The following HMGCLL1 variants were observed in gnomAD, a reference collection of about 807,000 sequenced individuals.
The protein encoded by HMGCLL1 is 3-hydroxymethyl-3-methylglutaryl-CoA lyase, cytoplasmic.
Under a neutral mutation model 39.1 loss-of-function variants are expected in HMGCLL1, and 36 were observed. The observed-to-expected ratio is 0.92, with a 90% CI of 0.71 to 1.22. HMGCLL1 has a LOEUF of 1.22. Among genes scored for constraint, HMGCLL1 ranks in the 50% most tolerant of loss-of-function variants. The pLI is 0.00. For synonymous variants in HMGCLL1, 149 were observed against 144.0 expected (o/e 1.03, Z -0.25); for missense variants, 451 against 416.5 (o/e 1.08, Z -0.72).
the HMGCLL1 span, among the ~76,000 whole-genome samples, chr6:55,597,532 A>G: frequency 1.1e-4 from 17 of 151,548 alleles, no homozygotes; most frequent in Admixed American, 1.1e-3. Context: ...AAAAAGAAGG[A>G]AAAAAAAGAG....
At chr6:55,658,052 C>A in the HMGCLL1 span, among the ~76,000 whole-genome samples, 1 of 150,664 alleles carries the variant, frequency 6.6e-6, no homozygotes, top group East Asian at 2.0e-4. Flanking sequence ...ATACCTTGAA[C>A]TTAAATAAAA....
chr6:55,595,536 T>G, the HMGCLL1 span, among the ~76,000 whole-genome samples: 1 of 152,232 alleles, frequency 6.6e-6, no homozygotes, highest in Non-Finnish European at 1.5e-5. Flanking sequence ...TATAGAAATT[T>G]TATTCTACTA....
chr6:55,628,603 G>A, the HMGCLL1 span, among the ~76,000 whole-genome samples: 1 of 152,040 alleles, frequency 6.6e-6, no homozygotes, highest in Non-Finnish European at 1.5e-5. Context: ...CTCCTGGCCT[G>A]CAAGGTTTCC....
intron 1 of HMGCLL1, among the ~76,000 whole-genome samples, chr6:55,548,593 T>A (rs560501698): frequency 5.1e-4 from 77 of 152,194 alleles, no homozygotes; most frequent in African/African-American, 1.8e-3. Flanking sequence ...ATCTTTACCA[T>A]ATGTGTTCAC....
intron 7 of HMGCLL1, among the ~76,000 whole-genome samples, chr6:55,455,257 C>A (rs62407065): frequency 0.012 from 1,789 of 152,248 alleles, 11 homozygotes; most frequent in Non-Finnish European, 0.017. Flanking sequence ...TTGAGACCCA[C>A]CATTGATCAA....
intron 5 of HMGCLL1, among the ~76,000 whole-genome samples, chr6:55,508,888 A>G (rs1215249503): frequency 4.0e-5 from 6 of 151,852 alleles, no homozygotes; most frequent in Non-Finnish European, 5.9e-5. Context: ...AATCCAGCAA[A>G]AGAATATTTA....
At chr6:55,529,051 ATTTCCTAG>A in intron 3 of HMGCLL1, among the ~76,000 whole-genome samples, 1 of 152,246 alleles carries the variant, frequency 6.6e-6, no homozygotes, top group South Asian at 2.1e-4. Flanking sequence ...ATTCAATAGC[ATTTCCTAG>A]TTTCCTAAGA....
rs568933521 is a variant in HMGCLL1, at chr6:55,521,289, T to C, written c.298-4686A>G. Among the ~76,000 whole-genome samples, 114 of 152,106 alleles carry C rather than the reference T, an allele frequency of 7.5e-4. 1 individual carries two copies. The highest frequency in any genetic ancestry group is 2.9e-4 in the Non-Finnish European group (20 of 68,004). ...CATATGAGAATGCAGTGATAAACAA[T>C]GAAAGAGTTTCTCAAAAACTTCTGA... On this transcript the variant is annotated intron_variant, in intron 3 of 8. Coordinates refer to ENST00000274901, the MANE Select transcript of HMGCLL1 (RefSeq NM_001042406.2).
At chr6:55,506,715 A>T (rs1397095350) in intron 5 of HMGCLL1, among the ~76,000 whole-genome samples, 3 of 151,692 alleles carry the variant, frequency 2.0e-5, no homozygotes, top group Admixed American at 6.6e-5. Context: ...GTGTTTAAGT[A>T]ACACTTATTT....
chr6:55,523,735 T>G (rs985495550), intron 3 of HMGCLL1, among the ~76,000 whole-genome samples: 15 of 152,050 alleles, frequency 9.9e-5, no homozygotes, highest in African/African-American at 3.6e-4. Flanking sequence ...ATTCACCATG[T>G]TAATGTCCTA....
intron 3 of HMGCLL1, among the ~76,000 whole-genome samples, chr6:55,517,292 G>C (rs1216405507): frequency 6.6e-6 from 1 of 151,994 alleles, no homozygotes; most frequent in Non-Finnish European, 1.5e-5. Flanking sequence ...TTACCAGTTT[G>C]CCACAAAGTC....
At chr6:55,652,252 C>T in the HMGCLL1 span, among the ~76,000 whole-genome samples, 2 of 152,000 alleles carry the variant, frequency 1.3e-5, no homozygotes, top group Admixed American at 1.3e-4. Flanking sequence ...TTGTGACTTT[C>T]TTCCATCTAT....
chr6:55,503,599 C>A (rs770927574), intron 5 of HMGCLL1, among the ~76,000 whole-genome samples: 3 of 151,620 alleles, frequency 2.0e-5, no homozygotes, highest in Non-Finnish European at 4.4e-5. Context: ...TCTCGCTCAC[C>A]ATTATGCCCA....
the HMGCLL1 span, among the ~76,000 whole-genome samples, chr6:55,641,986 C>G: frequency 1.4e-5 from 2 of 140,444 alleles, no homozygotes; most frequent in African/African-American, 2.6e-5. Context: ...TATACATGTG[C>G]CATGCTGGTG....
the HMGCLL1 span, among the ~76,000 whole-genome samples, chr6:55,635,138 C>T: frequency 6.6e-6 from 1 of 151,794 alleles, no homozygotes; most frequent in Non-Finnish European, 1.5e-5. Flanking sequence ...TTCTCAAGAG[C>T]TCTGAGTAAC....
chr6:55,587,224 C>T, the HMGCLL1 span, among the ~76,000 whole-genome samples: 1 of 152,088 alleles, frequency 6.6e-6, no homozygotes, highest in Non-Finnish European at 1.5e-5. Flanking sequence ...ATCCTTCTCC[C>T]ACTTGTTGAT....
intron 1 of HMGCLL1, among the ~76,000 whole-genome samples, chr6:55,578,262 A>C (rs1771852809): frequency 6.6e-6 from 1 of 152,194 alleles, no homozygotes; most frequent in African/African-American, 2.4e-5. Flanking sequence ...CAAGTTTTTT[A>C]AGGAAAAAGT....
chr6:55,670,504 C>T, the HMGCLL1 span, among the ~76,000 whole-genome samples: 1 of 151,810 alleles, frequency 6.6e-6, no homozygotes, highest in South Asian at 2.1e-4. Context: ...AAGCAAAGAA[C>T]ATAACATTGT....
intron 8 of HMGCLL1, 56 bp from the exon 9 acceptor site, chr6:55,435,819 T>C (rs1763347866): frequency 1.6e-5 from 14 of 861,440 alleles, no homozygotes; most frequent in Non-Finnish European, 2.5e-5. Flanking sequence ...AGAAAAAAGA[T>C]AAAACATAGC....
Sources: allele counts gnomAD v4.1 joint callset (sites outside exome capture counted in the v4.1 genomes callset), GRCh38; gene constraint gnomAD v4.1.1; transcripts MANE v1.5; gene names NCBI Gene and HGNC (gene_info 2026-07-23, HGNC 2026-07-21).